Variants in CSMD1 observed in about 807,000 individuals in gnomAD.
The protein encoded by CSMD1 is CUB and Sushi multiple domains 1.
Under a neutral mutation model 417.5 loss-of-function variants are expected in CSMD1, and 213 were observed. The observed-to-expected ratio is 0.51, with a 90% CI of 0.46 to 0.57. The LOEUF is 0.57. Among genes scored for constraint, CSMD1 ranks in the 20% least tolerant of loss-of-function variants. The pLI is 0.00. For synonymous variants in CSMD1, 2,862 were observed against 1,736.8 expected (o/e 1.65, Z -16.11); for missense variants, 6,923 against 4,529.7 (o/e 1.53, Z -15.17).
chr8:3,201,681 A>C lies in CSMD1; in HGVS notation c.5029T>G (p.Leu1677Val), dbSNP rs1563137628. ...TGGGTTCCATCAAATAATTCTGCCA[A>C]ATCATTCAGGGCTGTCTGGAAATAG... ...FAYFQTALNDLAELFDGTHAQ... is the reference protein window; with the variant it reads ...FAYFQTALNDVAELFDGTHAQ... Residue 1677 changes from leucine to valine, a missense_variant, in exon 32 of 70, where the codon TTG becomes GTG. Coordinates refer to ENST00000635120, the MANE Select transcript of CSMD1 (RefSeq NM_033225.6). The C allele has an allele frequency of 1.9e-6, 3 of 1,606,154 alleles. No individual in the cohort carries two copies. Among genetic ancestry groups the C allele is most frequent in the Non-Finnish European group, 2.6e-6 (3 of 1,176,186 alleles).
intron 14 of CSMD1, among the ~76,000 whole-genome samples, chr8:3,407,411 G>C (rs543319430): frequency 1.6e-4 from 23 of 147,852 alleles, no homozygotes; most frequent in African/African-American, 5.7e-4. Context: ...AAGGATGAAT[G>C]GATGGAAGGA....
intron 23 of CSMD1, among the ~76,000 whole-genome samples, chr8:3,324,089 G>A (rs569486363): frequency 1.5e-4 from 21 of 144,452 alleles, no homozygotes; most frequent in Admixed American, 3.6e-4. Flanking sequence ...CAGAGACCCA[G>A]GTGGGGGAGT....
chr8:3,538,891 G>C (rs913782177), intron 10 of CSMD1, among the ~76,000 whole-genome samples: 9 of 152,102 alleles, frequency 5.9e-5, no homozygotes, highest in Non-Finnish European at 1.3e-4. Flanking sequence ...TCCCACTCTT[G>C]CTTCACCTAC....
At chr8:3,230,958 G>C (rs1348720099) in intron 26 of CSMD1, among the ~76,000 whole-genome samples, 1 of 152,138 alleles carries the variant, frequency 6.6e-6, no homozygotes, top group African/African-American at 2.4e-5. Context: ...GGGGCCACTG[G>C]AGCCTTATCA....
At chr8:4,517,309 G>T (rs1428520258) in intron 2 of CSMD1, among the ~76,000 whole-genome samples, 1 of 152,136 alleles carries the variant, frequency 6.6e-6, no homozygotes, top group Non-Finnish European at 1.5e-5. Context: ...TGAGGGTCAG[G>T]CAGGCCCCGC....
At chr8:3,949,558 A>C (rs1811463284) in intron 5 of CSMD1, among the ~76,000 whole-genome samples, 2 of 152,114 alleles carry the variant, frequency 1.3e-5, no homozygotes, top group African/African-American at 2.4e-5. Context: ...ATTTGGGGTT[A>C]TTTTGGGGTT....
At chr8:2,948,329 A>G (rs983213458) in intron 68 of CSMD1, among the ~76,000 whole-genome samples, 3 of 151,958 alleles carry the variant, frequency 2.0e-5, no homozygotes, top group Non-Finnish European at 4.4e-5. Context: ...GAATATTGTG[A>G]CCCATCCTAG....
At chr8:4,341,806 CAT>C (rs1311293545) in intron 3 of CSMD1, among the ~76,000 whole-genome samples, 1 of 152,090 alleles carries the variant, frequency 6.6e-6, no homozygotes, top group Non-Finnish European at 1.5e-5. Context: ...AATTTGTTCA[CAT>C]GACTTAACGA....
intron 5 of CSMD1, among the ~76,000 whole-genome samples, chr8:3,973,632 T>C (rs187873369): frequency 1.6e-4 from 24 of 152,226 alleles, no homozygotes; most frequent in East Asian, 5.8e-4. Flanking sequence ...TGCTTCCTGA[T>C]TGTCATCTGT....
At chr8:4,834,872 G>T (rs1221565200) in intron 1 of CSMD1, among the ~76,000 whole-genome samples, 2 of 137,170 alleles carry the variant, frequency 1.5e-5, no homozygotes, top group Non-Finnish European at 3.0e-5. Context: ...CAGGAGAAAG[G>T]CGGAAACCCG....
rs1554543613 is a variant in CSMD1, at chr8:3,412,080, A to ATATATACACG, written c.1562-2476_1562-2475insCGTGTATATA. ...TACACACGTATATATACATATATAC[A>ATATATACACG]TATATATACACACGTATATATACAT... On this transcript the variant is annotated intron_variant, in intron 12 of 69. Coordinates refer to ENST00000635120, the MANE Select transcript of CSMD1 (RefSeq NM_033225.6). 8.9e-5 allele frequency among the ~76,000 whole-genome samples: 2 copies of ATATATACACG among 22,428 alleles called. 1 individual carries two copies. The highest frequency in any genetic ancestry group is 4.5e-4 in the African/African-American group (2 of 4,458). The allele number at this position is 22,428 out of a possible 152,430, so 14.7% of individuals were successfully genotyped here. A position where few individuals can be genotyped will look rare whatever the true frequency, so the allele number is the denominator to read the frequency against.
At chr8:3,068,376 C>A (rs966289733) in intron 49 of CSMD1, among the ~76,000 whole-genome samples, 1 of 152,168 alleles carries the variant, frequency 6.6e-6, no homozygotes, top group African/African-American at 2.4e-5. Flanking sequence ...CTCCAAGACT[C>A]AGGACTTCTA....
chr8:4,792,426 G>A (rs571366271), intron 1 of CSMD1, among the ~76,000 whole-genome samples: 188 of 152,210 alleles, frequency 1.2e-3, no homozygotes, highest in Non-Finnish European at 2.1e-3. Flanking sequence ...TTCAGCAGTG[G>A]TACAGCCAAT....
At chr8:3,613,261 T>A in intron 8 of CSMD1, 1 of 422,470 alleles carries the variant, frequency 2.4e-6, no homozygotes, top group South Asian at 1.7e-5. Flanking sequence ...AGAAATTCAA[T>A]CCGTAATTAA....
At chr8:3,409,822 T>C (rs1396274243) in intron 12 of CSMD1, among the ~76,000 whole-genome samples, 2 of 152,246 alleles carry the variant, frequency 1.3e-5, no homozygotes, top group Non-Finnish European at 2.9e-5. Flanking sequence ...TAATTTGCTA[T>C]CTTTTAAGGG....
intron 3 of CSMD1, among the ~76,000 whole-genome samples, chr8:4,145,774 C>T (rs910932129): frequency 6.6e-6 from 1 of 151,072 alleles, no homozygotes; most frequent in African/African-American, 2.5e-5. Flanking sequence ...GGTTCTGCGT[C>T]AGCTCGCACC....
At chr8:3,264,885 A>T (rs1486826352) in intron 26 of CSMD1, among the ~76,000 whole-genome samples, 1 of 152,092 alleles carries the variant, frequency 6.6e-6, no homozygotes, top group East Asian at 1.9e-4. Flanking sequence ...CTGTGTGTGT[A>T]TACATTTTTC....
intron 1 of CSMD1, among the ~76,000 whole-genome samples, chr8:4,673,061 C>A (rs1339374949): frequency 1.3e-5 from 2 of 150,932 alleles, no homozygotes; most frequent in Non-Finnish European, 2.9e-5. Flanking sequence ...AACATGCTGA[C>A]ATGGCACACA....
chr8:3,944,951 C>A (rs1811124275), intron 5 of CSMD1, among the ~76,000 whole-genome samples: 1 of 152,144 alleles, frequency 6.6e-6, no homozygotes, highest in Non-Finnish European at 1.5e-5. Flanking sequence ...TTCGACATTA[C>A]AAGGATGACA....
Sources: gnomAD v4.1 joint callset for allele counts (sites outside exome capture counted in the v4.1 genomes callset) on GRCh38, gnomAD v4.1.1 for gene constraint, MANE v1.5 for transcripts, NCBI Gene and HGNC (gene_info 2026-07-23, HGNC 2026-07-21) for gene names.